The following GBE1 variants were observed in gnomAD, a reference collection of about 807,000 sequenced individuals.
The protein encoded by GBE1 is 1,4-alpha-glucan branching enzyme 1.
Under a neutral mutation model 88.8 loss-of-function variants are expected in GBE1, and 70 were observed. The ratio of observed to expected loss-of-function variants is 0.79; its 90% CI spans 0.65 to 0.96. GBE1 has a LOEUF of 0.96. GBE1 is among the 40% of genes least tolerant of loss of function. The pLI, the probability that GBE1 is intolerant of heterozygous loss-of-function variation, is 0.00. For missense variants in GBE1, 872 were observed against 871.0 expected, an observed-to-expected ratio of 1.00 and a Z score of -0.01; for synonymous variants, 284 against 300.1, an observed-to-expected ratio of 0.95 and a Z score of 0.56.
At chr3:81,670,391 A>C (rs1705172705) in intron 3 of GBE1, among the ~76,000 whole-genome samples, 1 of 152,176 alleles carries the variant, frequency 6.6e-6, no homozygotes, top group African/African-American at 2.4e-5. Flanking sequence ...AAAGAGGAAG[A>C]AGCAGAAGAA....
intron 3 of GBE1, chr3:81,650,188 G>A: frequency 3.7e-6 from 1 of 273,420 alleles, no homozygotes; most frequent in Non-Finnish European, 6.9e-6. Flanking sequence ...CCATAAGAGT[G>A]CTTACTTAAA....
chr3:81,500,110 C>A (rs570402319), intron 14 of GBE1, among the ~76,000 whole-genome samples: 1 of 152,202 alleles, frequency 6.6e-6, no homozygotes, highest in South Asian at 2.1e-4. Context: ...CATTTTCAAC[C>A]CTTGAAAATC....
At chr3:81,634,758 T>G (rs913375012) in intron 7 of GBE1, among the ~76,000 whole-genome samples, 2 of 152,056 alleles carry the variant, frequency 1.3e-5, no homozygotes, top group Admixed American at 1.3e-4. Context: ...ACCACTAAAA[T>G]TTAAAAATAA....
chr3:81,562,845 G>GTA (rs771339834), intron 12 of GBE1, among the ~76,000 whole-genome samples: 9 of 151,742 alleles, frequency 5.9e-5, no homozygotes, highest in Non-Finnish European at 1.2e-4. Flanking sequence ...TTTTGAGACG[G>GTA]TATGTATAGG....
chr3:81,743,849 A>C (rs1010768637), intron 1 of GBE1, among the ~76,000 whole-genome samples: 4 of 152,190 alleles, frequency 2.6e-5, no homozygotes, highest in Admixed American at 2.6e-4. Flanking sequence ...AGCCATGCCA[A>C]GTAACTTAGG....
chr3:81,578,454 T>A (rs1265203716), intron 11 of GBE1, among the ~76,000 whole-genome samples: 1 of 151,542 alleles, frequency 6.6e-6, no homozygotes, highest in Non-Finnish European at 1.5e-5. Flanking sequence ...TAAAATAGAT[T>A]GTATATAATG....
intron 5 of GBE1, among the ~76,000 whole-genome samples, chr3:81,648,640 G>T (rs1704802020): frequency 1.3e-5 from 2 of 151,878 alleles, no homozygotes; most frequent in Admixed American, 6.6e-5. Context: ...AATTTAAATT[G>T]GAATAATATC....
intron 12 of GBE1, among the ~76,000 whole-genome samples, chr3:81,544,979 T>C (rs1172252763): frequency 1.3e-5 from 2 of 152,170 alleles, no homozygotes; most frequent in African/African-American, 4.8e-5. Context: ...ATGCTGTGGA[T>C]TTTACATAAT....
intron 7 of GBE1, among the ~76,000 whole-genome samples, chr3:81,633,292 C>G (rs1241194716): frequency 1.3e-5 from 2 of 151,934 alleles, no homozygotes; most frequent in Non-Finnish European, 2.9e-5. Context: ...TGTAATGAGC[C>G]CTTCACAATT....
chr3:81,606,457 A>T (rs187247916), intron 7 of GBE1, among the ~76,000 whole-genome samples: 2 of 152,382 alleles, frequency 1.3e-5, no homozygotes, highest in African/African-American at 4.8e-5. Context: ...AGGCAGGAAG[A>T]CCCTGCGCTA....
chr3:81,609,305 C>G (rs964867196), intron 7 of GBE1, among the ~76,000 whole-genome samples: 6 of 152,154 alleles, frequency 3.9e-5, no homozygotes, highest in African/African-American at 1.4e-4. Context: ...TTATTATCCT[C>G]TAATTACTAA....
chr3:81,616,470 T>C (rs1052406607), intron 7 of GBE1, among the ~76,000 whole-genome samples: 1 of 152,148 alleles, frequency 6.6e-6, no homozygotes, highest in East Asian at 1.9e-4. Context: ...ATTCCTCCAC[T>C]GCAATGCTTT....
At chr3:81,519,591 T>G (rs556111851) in intron 14 of GBE1, among the ~76,000 whole-genome samples, 3 of 147,222 alleles carry the variant, frequency 2.0e-5, no homozygotes, top group East Asian at 2.0e-4. Context: ...CTGGGGGGGG[T>G]TAAAATTTCT....
chr3:81,511,645 C>G (rs1702726584), intron 14 of GBE1, among the ~76,000 whole-genome samples: 3 of 151,886 alleles, frequency 2.0e-5, no homozygotes, highest in African/African-American at 7.3e-5. Context: ...GACCGTTTTA[C>G]ACCAGACACA....
At chr3:81,739,388 A>T (rs1191511542) in intron 1 of GBE1, among the ~76,000 whole-genome samples, 2 of 152,206 alleles carry the variant, frequency 1.3e-5, no homozygotes, top group African/African-American at 2.4e-5. Context: ...TGTGATATCC[A>T]GACCCAGAAA....
At chr3:81,618,166 G>T (rs1427212483) in intron 7 of GBE1, among the ~76,000 whole-genome samples, 2 of 151,822 alleles carry the variant, frequency 1.3e-5, no homozygotes, top group African/African-American at 4.8e-5. Flanking sequence ...AAGTCTGCTG[G>T]CAACAAATTA....
In GBE1 at chr3:81,581,180, T is replaced by C. The variant is rs781728533; in HGVS notation, c.1431A>G (p.Ala477=). The C allele has an allele frequency of 3.7e-6, 6 of 1,603,480 alleles. No individual in the cohort carries two copies. Among genetic ancestry groups the C allele is most frequent in the Admixed American group, 3.4e-5 (2 of 59,008 alleles). Residue 477 remains alanine (A), a synonymous_variant, in exon 11 of 16, where the codon GCA becomes GCG. Transcript: ENST00000429644. ...ATTCATTTACCTGATCATGGCTCTC[T>C]GCATAAGCAATGCACTTTTCAAGGT... is the stretch of plus-strand genomic sequence containing the variant. ...RRYLEKCIAY[A]ESHDQALVGD...
chr3:81,720,144 A>G (rs1161107467), intron 1 of GBE1, among the ~76,000 whole-genome samples: 3 of 152,110 alleles, frequency 2.0e-5, no homozygotes, highest in Non-Finnish European at 4.4e-5. Flanking sequence ...ACTGAGAGAG[A>G]CAAAGGTTTC....
chr3:81,490,178 A>C lies in GBE1; in HGVS notation c.*229T>G. The C allele has an allele frequency of 2.0e-6, 1 of 512,612 alleles. No homozygotes were observed. The allele number at this position is 512,612 out of a possible 1,614,324, so 31.8% of individuals were successfully genotyped here. On this transcript the variant is annotated 3_prime_UTR_variant, in exon 16 of 16. Transcript: ENST00000429644. ...CTTCCATTTGAGAATCCTAGCTGCT[A>C]AGATGACTTGAAAATATGGTCTAGG...
Sources: allele counts gnomAD v4.1 joint callset (sites outside exome capture counted in the v4.1 genomes callset), GRCh38; gene constraint gnomAD v4.1.1; transcripts MANE v1.5; gene names NCBI Gene and HGNC (gene_info 2026-07-23, HGNC 2026-07-21).